Variants in LRTM3 observed in about 807,000 individuals in gnomAD.
LRTM3 encodes leucine-rich repeat transmembrane protein 3.
chr13:102,755,747 T>A, the LRTM3 span, among the ~76,000 whole-genome samples: 1 of 150,248 alleles, frequency 6.7e-6, no homozygotes, highest in East Asian at 1.9e-4. Context: ...CTACACGTTC[T>A]GCATATGTAT....
chr13:102,743,252 A>G, the LRTM3 span: 7 of 1,550,660 alleles, frequency 4.5e-6, no homozygotes, highest in Non-Finnish European at 6.1e-6. Context: ...CCCTTCAGCT[A>G]GTGACTCTAT....
chr13:102,749,980 T>C, the LRTM3 span: 1 of 1,550,734 alleles, frequency 6.4e-7, no homozygotes, highest in Non-Finnish European at 8.7e-7. Context: ...TAGAAAGAAA[T>C]AAGTGGGCAA....
the LRTM3 span, among the ~76,000 whole-genome samples, chr13:102,756,698 A>AAAAAAAAAAAAAG: frequency 1.4e-5 from 1 of 73,744 alleles, no homozygotes; most frequent in Non-Finnish European, 2.9e-5. Flanking sequence ...AAAAAAAACA[A>AAAAAAAAAAAAAG]AAAAACAAAA....
At chr13:102,734,805 G>A in the LRTM3 span, 2 of 1,551,056 alleles carry the variant, frequency 1.3e-6, no homozygotes, top group East Asian at 2.4e-5. Flanking sequence ...ACCACACCTG[G>A]TTCACCTTCA....
At chr13:102,758,184 A>T in the LRTM3 span, among the ~76,000 whole-genome samples, 1 of 152,220 alleles carries the variant, frequency 6.6e-6, no homozygotes, top group Admixed American at 6.5e-5. Context: ...TATTTTCCTC[A>T]TCTGTAAGAA....
At chr13:102,745,071 G>T in the LRTM3 span, 30 of 1,550,678 alleles carry the variant, frequency 1.9e-5, no homozygotes, top group Non-Finnish European at 1.7e-5. Context: ...TCCTCTCTTT[G>T]TATTGGCTCT....
At chr13:102,745,524 C>A in the LRTM3 span, 1 of 1,551,010 alleles carries the variant, frequency 6.4e-7, no homozygotes, top group East Asian at 2.4e-5. Context: ...CCAGCACCAG[C>A]CCTGATATTG....
chr13:102,735,289 G>C, the LRTM3 span: 2 of 1,551,158 alleles, frequency 1.3e-6, no homozygotes, highest in South Asian at 2.4e-5. Context: ...TCTGTAGCAG[G>C]TGTGCTTTTA....
the LRTM3 span, chr13:102,735,739 T>A: frequency 6.5e-7 from 1 of 1,549,024 alleles, no homozygotes; most frequent in Non-Finnish European, 8.7e-7. Context: ...TATATGCTTT[T>A]TTGCCTGAAT....
At chr13:102,742,793 G>A in the LRTM3 span, 3 of 1,550,490 alleles carry the variant, frequency 1.9e-6, no homozygotes, top group Non-Finnish European at 2.6e-6. Flanking sequence ...CCTGCCAACA[G>A]AATCTGGGAC....
chr13:102,758,479 A>T, the LRTM3 span: 1 of 1,536,766 alleles, frequency 6.5e-7, no homozygotes, highest in Non-Finnish European at 8.8e-7. Flanking sequence ...AAGTCACAGT[A>T]TCAATGAGAA....
At chr13:102,758,388 A>G in the LRTM3 span, 6 of 1,486,510 alleles carry the variant, frequency 4.0e-6, no homozygotes, top group Non-Finnish European at 5.5e-6. Context: ...GCTTCAAAAT[A>G]TTTTTGTGAT....
the LRTM3 span, chr13:102,738,600 G>C: frequency 6.5e-7 from 1 of 1,549,936 alleles, no homozygotes; most frequent in East Asian, 2.4e-5. Context: ...ATAGATTCTA[G>C]GGCCTTTTTT....
the LRTM3 span, chr13:102,744,375 A>T: frequency 1.9e-5 from 30 of 1,550,160 alleles, no homozygotes; most frequent in Non-Finnish European, 2.6e-5. Flanking sequence ...TCAGAAATAG[A>T]ACTATCCCAT....
At chr13:102,736,986 G>T in the LRTM3 span, 12 of 1,550,868 alleles carry the variant, frequency 7.7e-6, no homozygotes, top group East Asian at 2.9e-4. Flanking sequence ...GATAGAGAAG[G>T]TATTGTCAGA....
At chr13:102,742,740 G>A in the LRTM3 span, 1 of 1,550,660 alleles carries the variant, frequency 6.4e-7, no homozygotes, top group South Asian at 1.2e-5. Flanking sequence ...GCCATTTTAA[G>A]TCTGCCATTC....
the LRTM3 span, chr13:102,736,501 C>A: frequency 1.8e-4 from 272 of 1,551,132 alleles, no homozygotes; most frequent in Non-Finnish European, 2.2e-4. Context: ...GCCTTGAAGG[C>A]AATGATTCCT....
At chr13:102,745,092 G>A in the LRTM3 span, 2 of 1,550,846 alleles carry the variant, frequency 1.3e-6, no homozygotes, top group South Asian at 1.2e-5. Flanking sequence ...GCAGGCTGAA[G>A]TTGCTGTGGG....
At chr13:102,743,219 A>T in the LRTM3 span, 1 of 1,550,640 alleles carries the variant, frequency 6.4e-7, no homozygotes, top group Non-Finnish European at 8.7e-7. Context: ...TCTCTTGTCA[A>T]TGGGATCAGA....
Sources: gnomAD v4.1 joint callset for allele counts (sites outside exome capture counted in the v4.1 genomes callset) on GRCh38, gnomAD v4.1.1 for gene constraint, MANE v1.5 for transcripts, NCBI Gene and HGNC (gene_info 2026-07-23, HGNC 2026-07-21) for gene names.